Variants in OSBPL9 observed in about 807,000 individuals in gnomAD.
The protein encoded by OSBPL9 is oxysterol binding protein like 9, also known as oxysterol-binding protein-related protein 9.
A neutral mutation model predicts 106.6 loss-of-function variants in OSBPL9; 40 were observed. The ratio of observed to expected loss-of-function variants is 0.38; its 90% CI spans 0.29 to 0.49. OSBPL9 has a LOEUF of 0.49. Ranked by LOEUF, OSBPL9 falls within the 20% of genes least tolerant of loss-of-function variation. OSBPL9 has a pLI of 0.97. For missense variants in OSBPL9, 609 were observed against 887.2 expected (o/e 0.69, Z 3.98); for synonymous variants, 269 against 295.4 (o/e 0.91, Z 0.92).
rs1167248033 is a variant in OSBPL9, at chr1:51,730,034, CGG to C, written c.319-15501_319-15500del. 4 of 1,301,820 alleles carry C rather than the reference CGG, an allele frequency of 3.1e-6. No homozygotes were observed. In the African/African-American group the frequency reaches 4.5e-5, roughly 15 times the overall value. 80.6% of individuals were successfully genotyped at this position (1,301,820 alleles called of 1,614,324 possible). On this transcript the variant is annotated intron_variant, in intron 4 of 23. Coordinates refer to ENST00000428468, the MANE Select transcript of OSBPL9 (RefSeq NM_024586.6). ...GACCCCGAGGGTCTGGGAGAGGGGC[CGG>C]CCCCTACCCCTGAGTCCCCGGGGTC...
intron 1 of OSBPL9, among the ~76,000 whole-genome samples, chr1:51,596,604 A>T (rs1221616164): frequency 4.0e-5 from 6 of 151,042 alleles, no homozygotes; most frequent in Non-Finnish European, 8.8e-5. Context: ...ACATGGTGAA[A>T]CCCCATCCCT....
chr1:51,785,864 T>C lies in OSBPL9; in HGVS notation c.1886T>C (p.Met629Thr). 6.2e-7 allele frequency: 1 copy of C among 1,611,626 alleles called. No homozygotes were observed. Among genetic ancestry groups the C allele is most frequent in the Non-Finnish European group, 8.5e-7 (1 of 1,179,536 alleles). The change falls in exon 21 of 24, where the codon ATG (methionine) becomes ACG (threonine). Residue 629 changes from methionine (M) to threonine (T), a missense_variant. By Grantham distance (81) the Met-to-Thr change is moderately conservative. Transcript: ENST00000428468. ...ATTGAAGGGGAATGGAATGGTGTGA[T>C]GTATGCAAAATATGCAACAGGGGTA... ...CSIEGEWNGVMYAKYATGENT... is the reference protein window; with the variant it reads ...CSIEGEWNGVTYAKYATGENT...
intron 2 of OSBPL9, among the ~76,000 whole-genome samples, chr1:51,661,549 A>C (rs1647153732): frequency 6.6e-6 from 1 of 152,194 alleles, no homozygotes; most frequent in Non-Finnish European, 1.5e-5. Flanking sequence ...TCAAGTACTG[A>C]TAGAACTTTA....
At chr1:51,518,938 G>A in the OSBPL9 span, among the ~76,000 whole-genome samples, 1 of 151,354 alleles carries the variant, frequency 6.6e-6, no homozygotes. Flanking sequence ...GCAGCGGCGC[G>A]GAGGGCGGCG....
intron 1 of OSBPL9, among the ~76,000 whole-genome samples, chr1:51,640,550 A>G (rs1327274799): frequency 2.0e-5 from 3 of 152,190 alleles, no homozygotes; most frequent in Non-Finnish European, 4.4e-5. Context: ...AATTTGATTG[A>G]AGAGGACTGA....
chr1:51,591,344 T>A (rs1645274300), intron 1 of OSBPL9, among the ~76,000 whole-genome samples: 1 of 152,164 alleles, frequency 6.6e-6, no homozygotes. Flanking sequence ...AACACTAGGA[T>A]TACAGGCGTG....
At chr1:51,534,480 G>A in the OSBPL9 span, among the ~76,000 whole-genome samples, 3 of 152,162 alleles carry the variant, frequency 2.0e-5, no homozygotes, top group African/African-American at 7.2e-5. Context: ...GAAAGTCTAA[G>A]ATCCCTCAGC....
upstream of OSBPL9, among the ~76,000 whole-genome samples, chr1:51,616,574 G>C (rs1164010720): frequency 2.6e-5 from 4 of 152,106 alleles, no homozygotes; most frequent in Non-Finnish European, 4.4e-5. Context: ...CAGTCCCAGC[G>C]CTCTCTCCTT....
intron 4 of OSBPL9, among the ~76,000 whole-genome samples, chr1:51,716,332 G>A (rs1475183430): frequency 6.6e-6 from 1 of 152,204 alleles, no homozygotes; most frequent in Non-Finnish European, 1.5e-5. Flanking sequence ...TTGTATCCCA[G>A]AGCCCACCAC....
At chr1:51,575,317 T>C (rs141968633), upstream of OSBPL9, among the ~76,000 whole-genome samples, 597 of 151,804 alleles carry the variant, frequency 3.9e-3, 2 homozygotes, top group African/African-American at 0.014. Context: ...TCTCCTGCCT[T>C]AGACTCCTGA....
chr1:51,637,410 C>T (rs1645517383), intron 1 of OSBPL9, among the ~76,000 whole-genome samples: 1 of 151,756 alleles, frequency 6.6e-6, no homozygotes, highest in Non-Finnish European at 1.5e-5. Flanking sequence ...GAATCAGAGG[C>T]TACAGTGAGC....
chr1:51,755,378 A>C (rs753407335), intron 8 of OSBPL9, among the ~76,000 whole-genome samples: 46 of 152,166 alleles, frequency 3.0e-4, no homozygotes, highest in Non-Finnish European at 5.7e-4. Flanking sequence ...TTAAGCAAAT[A>C]TTTTCTATAT....
intron 2 of OSBPL9, among the ~76,000 whole-genome samples, chr1:51,661,735 A>G (rs960027519): frequency 1.3e-5 from 2 of 152,236 alleles, no homozygotes; most frequent in African/African-American, 2.4e-5. Flanking sequence ...ACCATTTCAT[A>G]TATAGATTAT....
chr1:51,602,166 A>G (rs1026036837), intron 2 of OSBPL9, among the ~76,000 whole-genome samples: 1 of 151,260 alleles, frequency 6.6e-6, no homozygotes, highest in African/African-American at 2.4e-5. Context: ...GACTACAGGC[A>G]CCCACCACTG....
In OSBPL9 at chr1:51,728,060, A is replaced by C. The variant is rs146489432; in HGVS notation, c.318+13981A>C. Among the ~76,000 whole-genome samples the C allele has an allele frequency of 2.4e-3, 359 of 152,336 alleles. 2 individuals are homozygous for C. The highest frequency in any genetic ancestry group is 8.4e-3 in the African/African-American group (348 of 41,554). On this transcript the variant is annotated intron_variant, in intron 4 of 23. Transcript: ENST00000428468. ...ATGCGCCAAGGCCCTAAAATTGGAA[A>C]GTCCTTGGCAAATTAAAGGAGTTTG...
At chr1:51,728,531 C>T (rs888237162) in intron 4 of OSBPL9, among the ~76,000 whole-genome samples, 6 of 152,110 alleles carry the variant, frequency 3.9e-5, no homozygotes, top group African/African-American at 1.4e-4. Context: ...ATAGCAGTTT[C>T]ATTTACTGAG....
At chr1:51,627,723 GT>G (rs60018130) in intron 1 of OSBPL9, among the ~76,000 whole-genome samples, 9 of 147,714 alleles carry the variant, frequency 6.1e-5, no homozygotes, top group South Asian at 2.1e-4. Flanking sequence ...TCCTAATTCT[GT>G]TTTTTTTTTG....
At chr1:51,530,205 A>G in the OSBPL9 span, among the ~76,000 whole-genome samples, 115 of 139,970 alleles carry the variant, frequency 8.2e-4, no homozygotes, top group African/African-American at 2.9e-3. Flanking sequence ...AAAAAAAAAA[A>G]CCTCTAAGAA....
intron 15 of OSBPL9, 151 bp from the exon 16 acceptor site, chr1:51,781,013 A>C (rs1193828184): frequency 6.5e-6 from 4 of 611,340 alleles, no homozygotes; most frequent in Non-Finnish European, 5.8e-6. Flanking sequence ...TATATATTAT[A>C]CTCAATTTTA....
Sources: allele counts gnomAD v4.1 joint callset (sites outside exome capture counted in the v4.1 genomes callset), GRCh38; gene constraint gnomAD v4.1.1; transcripts MANE v1.5; gene names NCBI Gene and HGNC (gene_info 2026-07-23, HGNC 2026-07-21).